ABCC6: variants seen among roughly 807,000 people sequenced by gnomAD.
The protein encoded by ABCC6 is ATP-binding cassette sub-family C member 6.
ABCC6 carries 126 observed loss-of-function variants against 169.5 expected under a neutral mutation model. The ratio of observed to expected loss-of-function variants is 0.74; its 90% CI spans 0.64 to 0.86. The LOEUF (loss-of-function observed/expected upper bound fraction) is 0.86, where lower values mean the gene tolerates loss of function less well. Among genes scored for constraint, ABCC6 ranks in the 40% least tolerant of loss-of-function variants. The pLI, the probability that ABCC6 is intolerant of heterozygous loss-of-function variation, is 0.00. For synonymous variants in ABCC6, 752 were observed against 814.7 expected (o/e 0.92, Z 1.31); for missense variants, 1,733 against 1,927.2 (o/e 0.90, Z 1.89).
chr16:16,162,531 G>A (rs2046750619), intron 24 of ABCC6, among the ~76,000 whole-genome samples: 1 of 152,214 alleles, frequency 6.6e-6, no homozygotes, highest in Non-Finnish European at 1.5e-5. Flanking sequence ...ATGAGTGTCT[G>A]TATTTAATCC....
chr16:16,188,336 G>A (rs2047723284), intron 13 of ABCC6, among the ~76,000 whole-genome samples: 2 of 151,988 alleles, frequency 1.3e-5, no homozygotes, highest in Non-Finnish European at 2.9e-5. Context: ...ATCTTGCAGT[G>A]AGCCGAGATT....
rs1315223233 is a variant in ABCC6 at position 16,208,714 on chromosome 16, C to A, written c.794+14G>T. Reference sequence around the variant, plus strand: ...AAGTAGCATCAGGTGAGTTCTTGACCTCCACCCACTTACCTCCGGGCTGCA... The same window carrying A: ...AAGTAGCATCAGGTGAGTTCTTGACATCCACCCACTTACCTCCGGGCTGCA... On this transcript the variant is annotated intron_variant, in intron 7 of 30. Transcript: ENST00000205557. 6.2e-7 allele frequency: 1 copy of A among 1,613,512 alleles called. No homozygotes were observed. The highest frequency in any genetic ancestry group is 8.5e-7 in the Non-Finnish European group (1 of 1,179,592).
intron 7 of ABCC6, among the ~76,000 whole-genome samples, chr16:16,204,307 T>A (rs548172561): frequency 6.6e-6 from 1 of 152,306 alleles, no homozygotes; most frequent in East Asian, 1.9e-4. Flanking sequence ...CTGCTCGCCT[T>A]GGCCTCCCAA....
intron 29 of ABCC6, among the ~76,000 whole-genome samples, chr16:16,152,724 G>A (rs2046424315): frequency 6.7e-6 from 1 of 149,502 alleles, no homozygotes; most frequent in East Asian, 2.0e-4. Flanking sequence ...GGGCGGGGCG[G>A]GGGTGGGGGT....
chr16:16,222,749 A>G (rs1271499444), intron 1 of ABCC6, among the ~76,000 whole-genome samples: 3 of 151,560 alleles, frequency 2.0e-5, no homozygotes, highest in Admixed American at 1.3e-4. Flanking sequence ...AGTTTAGTGG[A>G]CGTGGCCTCT....
At chr16:16,197,493 C>A (rs544420742) in intron 10 of ABCC6, among the ~76,000 whole-genome samples, 1 of 147,370 alleles carries the variant, frequency 6.8e-6, no homozygotes, top group Non-Finnish European at 1.5e-5. Context: ...GAGGGAAGAG[C>A]AGAGGGAAGA....
chr16:16,216,112 G>C (rs1334300099), intron 4 of ABCC6, among the ~76,000 whole-genome samples: 1 of 152,002 alleles, frequency 6.6e-6, no homozygotes, highest in East Asian at 1.9e-4. Context: ...AGTAGAGACA[G>C]GGTTTCACCA....
chr16:16,202,125 A>C lies in ABCC6; in HGVS notation c.1052T>G (p.Leu351Arg), dbSNP rs1382445964. 2 of 1,613,770 alleles carry C rather than the reference A, an allele frequency of 1.2e-6. No individual in the cohort carries two copies. The highest frequency in any genetic ancestry group is 2.7e-5 in the African/African-American group (2 of 74,880). Residue 351 changes from leucine to arginine, a missense_variant, in exon 9 of 31, where the codon CTC (leucine) becomes CGC (arginine). This residue lies in a region of ABCC6 where 1,601 missense variants were observed against 1,635.5 expected (regional missense o/e 0.98). Coordinates refer to ENST00000205557, the MANE Select transcript of ABCC6 (RefSeq NM_001171.6). Reference protein sequence around the residue: ...DPKPPAWKGYLLAVLMFLSAC... With the variant: ...DPKPPAWKGYRLAVLMFLSAC... ...TGAGAGGAACATCAGCACGGCGAGG[A>C]GGTAGCCCTTCCAGGCTGGAGGCTT...
chr16:16,171,525 G>T (rs750956039), intron 21 of ABCC6, among the ~76,000 whole-genome samples: 2 of 152,206 alleles, frequency 1.3e-5, no homozygotes, highest in African/African-American at 2.4e-5. Context: ...GTACATGTTT[G>T]CTGGATGGAT....
chr16:16,163,214 G>A, intron 23 of ABCC6, 22 bp from the exon 24 acceptor site: 1 of 1,609,620 alleles, frequency 6.2e-7, no homozygotes. Flanking sequence ...GGATGGGAGA[G>A]GGAAGAGGAG....
At chr16:16,192,050 A>G (rs2047879700) in intron 11 of ABCC6, among the ~76,000 whole-genome samples, 1 of 152,042 alleles carries the variant, frequency 6.6e-6, no homozygotes, top group African/African-American at 2.4e-5. Flanking sequence ...GGCAAAGGAG[A>G]GGCTGCTGCT....
intron 17 of ABCC6, among the ~76,000 whole-genome samples, 183 bp downstream of exon 17, chr16:16,182,229 A>C (rs749307681): frequency 6.6e-6 from 1 of 152,182 alleles, no homozygotes; most frequent in East Asian, 1.9e-4. Context: ...ATTTCTGCTT[A>C]TCAATTAGTG....
At position 16,185,106 on chromosome 16, in the gene ABCC6, G is replaced by T. The variant is rs1057098402; in HGVS notation, c.1868-72C>A. 3.6e-6 allele frequency: 5 copies of T among 1,397,280 alleles called. No homozygotes were observed. The Admixed American group carries it at 7.3e-5, about 20-fold the overall frequency. 86.6% of individuals were successfully genotyped at this position (1,397,280 alleles called of 1,614,324 possible). The stretch of plus-strand genomic sequence containing the variant: ...GCCTCTGCATCGGAGAGGCCCCCAG[G>T]CACCATCCCCCGCCCCCCCCAGGGG... On this transcript the variant is annotated intron_variant, in intron 14 of 30. Coordinates refer to ENST00000205557, the MANE Select transcript of ABCC6 (RefSeq NM_001171.6).
At chr16:16,173,701 T>TTTC in intron 20 of ABCC6, among the ~76,000 whole-genome samples, 1 of 151,718 alleles carries the variant, frequency 6.6e-6, no homozygotes, top group Non-Finnish European at 1.5e-5. Flanking sequence ...ATTTTCTTTT[T>TTTC]TTTTTTTTTT....
At chr16:16,193,088 T>C (rs192866650) in intron 10 of ABCC6, among the ~76,000 whole-genome samples, 166 bp from the exon 11 acceptor site, 514 of 152,184 alleles carry the variant, frequency 3.4e-3, no homozygotes, top group Non-Finnish European at 5.5e-3. Context: ...CAGGATGAGA[T>C]AGGAGGTCGG....
In ABCC6 at chr16:16,154,682, G is replaced by A. The variant is rs944132085; in HGVS notation, c.4154C>T (p.Ala1385Val). The change falls in exon 29 of 31, where the codon GCC becomes GTC. Residue 1385 changes from alanine (A) to valine (V), a missense_variant. By Grantham distance (64) the Ala-to-Val change is moderately conservative (BLOSUM62 0). Around this residue, in one of 5 missense-constraint regions of ABCC6, gnomAD observed 1,601 missense variants for 1,635.5 expected, o/e 0.98. Transcript: ENST00000205557. ...GTACTGCAGCTGGCCGGGCAGGCTG[G>A]CCACCAAGGCTTTGAGCTGCACCGT... ...LETVQLKALV[A>V]SLPGQLQYKC... is the part of the protein sequence containing the mutation. 1.4e-5 allele frequency: 22 copies of A among 1,613,250 alleles called. No homozygotes were observed. Among genetic ancestry groups the A allele is most frequent in the Non-Finnish European group, 1.8e-5 (21 of 1,179,996 alleles).
Position 16,157,803 on chromosome 16 carries a change from A to G in ABCC6, c.3742T>C (p.Trp1248Arg). The change falls in exon 27 of 31, where the codon TGG (tryptophan) becomes CGG (arginine). Residue 1248 changes from tryptophan to arginine, a missense_variant. Transcript: ENST00000205557. Reference protein sequence around the residue: ...DYAWTPKEAPWRLPTCAAQPP... With the variant: ...DYAWTPKEAPRRLPTCAAQPP... The stretch of plus-strand genomic sequence containing the variant: ...TGAGCTGCACATGTGGGCAGCCTCC[A>G]GGGAGCCTGGAGCAGGAGGGGAAAC... 6.2e-7 allele frequency: 1 copy of G among 1,611,254 alleles called. No homozygotes were observed. Among genetic ancestry groups the G allele is most frequent in the Non-Finnish European group, 8.5e-7 (1 of 1,179,722 alleles).
chr16:16,150,743 G>A lies in ABCC6; in HGVS notation c.4238C>T (p.Ala1413Val), dbSNP rs1388953241. The A allele has an allele frequency of 6.2e-7, 1 of 1,613,858 alleles. No homozygotes were observed. Among genetic ancestry groups the A allele is most frequent in the East Asian group, 2.2e-5 (1 of 44,866 alleles). The change falls in exon 30 of 31, where the codon GCA (alanine) becomes GTA (valine). Residue 1413 changes from alanine to valine, a missense_variant. Ala to Val is a moderately conservative substitution (Grantham distance 64). Coordinates refer to ENST00000205557, the MANE Select transcript of ABCC6 (RefSeq NM_001171.6). ...CTGGGTCTTCCGGAGAAGGGCACGT[G>A]CCAGACACAGGAGCTGTTTCTGGCC... The part of the protein sequence containing the change: ...SVGQKQLLCL[A>V]RALLRKTQIL...
intron 20 of ABCC6, among the ~76,000 whole-genome samples, chr16:16,175,383 T>A (rs920157626): frequency 9.9e-5 from 15 of 152,152 alleles, no homozygotes; most frequent in African/African-American, 3.6e-4. Flanking sequence ...AGGCAGCAGG[T>A]CCTTCTGCTG....
Sources: allele counts gnomAD v4.1 joint callset (sites outside exome capture counted in the v4.1 genomes callset), GRCh38; gene constraint gnomAD v4.1.1; regional missense constraint gnomAD v4.1.1; transcripts MANE v1.5; gene names NCBI Gene and HGNC (gene_info 2026-07-23, HGNC 2026-07-21).